Variants in LINGO2 observed in about 807,000 individuals in gnomAD.
LINGO2 encodes leucine-rich repeat and immunoglobulin-like domain-containing nogo receptor-interacting protein 2.
Under a neutral mutation model 30.6 loss-of-function variants are expected in LINGO2, and 14 were observed. The observed-to-expected ratio is 0.46, with a 90% CI of 0.30 to 0.72. The LOEUF is 0.72. LINGO2 is among the 30% of genes least tolerant of loss of function. The pLI is 0.07. For missense variants in LINGO2, 729 were observed against 751.7 expected, an observed-to-expected ratio of 0.97 and a Z score of 0.35; for synonymous variants, 317 against 288.5, an observed-to-expected ratio of 1.10 and a Z score of -1.00.
chr9:28,923,406 T>C, the LINGO2 span, among the ~76,000 whole-genome samples: 8 of 152,168 alleles, frequency 5.3e-5, no homozygotes, highest in Non-Finnish European at 2.9e-5. Flanking sequence ...TGTTTAGTAA[T>C]GTGGATTCTC....
rs780700481 is a variant in LINGO2, at chr9:28,470,054, G to A, written c.-279+5886C>T. ...CCTTTATGTATATGTATATATAGAC[G>A]TAATTTGTGAAATCAATAACATAAA... On this transcript the variant is annotated intron_variant, in intron 2 of 5. Transcript: ENST00000379992. Among the ~76,000 whole-genome samples the A allele has an allele frequency of 3.9e-5, 6 of 151,928 alleles. No homozygotes were observed. The East Asian group carries it at 5.8e-4, about 15-fold the overall frequency.
At chr9:28,856,408 C>A in the LINGO2 span, among the ~76,000 whole-genome samples, 22 of 151,964 alleles carry the variant, frequency 1.4e-4, no homozygotes, top group African/African-American at 5.3e-4. Flanking sequence ...AATAACCTCA[C>A]AAACAAGTAT....
chr9:28,990,604 A>C, the LINGO2 span, among the ~76,000 whole-genome samples: 4 of 152,104 alleles, frequency 2.6e-5, no homozygotes, highest in Admixed American at 1.3e-4. Flanking sequence ...GGGAGGCACC[A>C]CCCAGTAGGG....
At chr9:29,096,034 T>C in the LINGO2 span, among the ~76,000 whole-genome samples, 1 of 138,924 alleles carries the variant, frequency 7.2e-6, no homozygotes, top group Non-Finnish European at 1.6e-5. Context: ...CCAGTGTAGG[T>C]AATTCCTAGT....
At chr9:28,874,775 A>T in the LINGO2 span, among the ~76,000 whole-genome samples, 1 of 152,192 alleles carries the variant, frequency 6.6e-6, no homozygotes, top group Middle Eastern at 3.4e-3. Flanking sequence ...AGACTTTATT[A>T]AGGATTCCCA....
the LINGO2 span, among the ~76,000 whole-genome samples, chr9:28,865,396 C>A: frequency 1.3e-5 from 2 of 152,252 alleles, no homozygotes; most frequent in East Asian, 1.9e-4. Context: ...CTGGCCCAGG[C>A]AAAACCTCTT....
At chr9:29,149,233 T>C in the LINGO2 span, among the ~76,000 whole-genome samples, 6 of 151,950 alleles carry the variant, frequency 3.9e-5, no homozygotes, top group Non-Finnish European at 7.4e-5. Flanking sequence ...TACATTTTGG[T>C]TTAATAGTTC....
chr9:28,537,541 G>C (rs1054091112), intron 1 of LINGO2, among the ~76,000 whole-genome samples: 2 of 150,086 alleles, frequency 1.3e-5, no homozygotes, highest in Non-Finnish European at 3.0e-5. Flanking sequence ...GCTGGATAAA[G>C]TAAATAGAAA....
chr9:28,105,596 C>T (rs1826562890), intron 4 of LINGO2, among the ~76,000 whole-genome samples: 1 of 152,068 alleles, frequency 6.6e-6, no homozygotes, highest in Non-Finnish European at 1.5e-5. Flanking sequence ...CATTGAAGCC[C>T]TAACCCCTGT....
At chr9:28,246,997 A>T (rs895285431) in intron 4 of LINGO2, among the ~76,000 whole-genome samples, 2 of 152,182 alleles carry the variant, frequency 1.3e-5, no homozygotes, top group Non-Finnish European at 2.9e-5. Context: ...CCAACATGAA[A>T]AAAAGCTCAA....
intron 1 of LINGO2, among the ~76,000 whole-genome samples, chr9:28,584,921 TG>T (rs1824455338): frequency 6.7e-6 from 1 of 149,898 alleles, no homozygotes; most frequent in African/African-American, 2.4e-5. Flanking sequence ...ATATAGACTG[TG>T]ACTGCAAGAG....
chr9:28,384,245 A>T (rs2134648097), intron 2 of LINGO2, among the ~76,000 whole-genome samples: 1 of 150,606 alleles, frequency 6.6e-6, no homozygotes, highest in South Asian at 2.1e-4. Context: ...AACTCCAAAC[A>T]CATAATCCCC....
At chr9:28,098,214 A>G (rs1175935230) in intron 4 of LINGO2, among the ~76,000 whole-genome samples, 3 of 152,124 alleles carry the variant, frequency 2.0e-5, no homozygotes, top group Non-Finnish European at 4.4e-5. Flanking sequence ...CTGAGGCAGA[A>G]GAATCGCTTG....
chr9:28,601,276 T>C (rs190286877), intron 1 of LINGO2, among the ~76,000 whole-genome samples: 5 of 152,264 alleles, frequency 3.3e-5, no homozygotes, highest in Non-Finnish European at 5.9e-5. Flanking sequence ...CAAAGAAACA[T>C]TGCAAATGTG....
chr9:28,825,982 G>C, the LINGO2 span, among the ~76,000 whole-genome samples: 1 of 152,132 alleles, frequency 6.6e-6, no homozygotes, highest in Non-Finnish European at 1.5e-5. Flanking sequence ...TGGCTCTCAA[G>C]TCTTAATGTT....
chr9:28,798,385 G>C, the LINGO2 span, among the ~76,000 whole-genome samples: 477 of 152,182 alleles, frequency 3.1e-3, 4 homozygotes, highest in African/African-American at 0.011. Flanking sequence ...GTTGACCTTA[G>C]CTATTAACAT....
chr9:29,171,010 T>G, the LINGO2 span, among the ~76,000 whole-genome samples: 1 of 152,142 alleles, frequency 6.6e-6, no homozygotes, highest in East Asian at 1.9e-4. Flanking sequence ...CCTTTTCTTT[T>G]CTTTACTGTT....
At chr9:28,012,173 A>G (rs188528934) in intron 5 of LINGO2, among the ~76,000 whole-genome samples, 3 of 151,976 alleles carry the variant, frequency 2.0e-5, no homozygotes, top group Non-Finnish European at 4.4e-5. Context: ...CTTTTTGCCC[A>G]CCACAGGGTA....
intron 4 of LINGO2, among the ~76,000 whole-genome samples, chr9:28,211,727 T>A (rs61226517): frequency 0.052 from 7,884 of 151,486 alleles, 282 homozygotes; most frequent in African/African-American, 0.097. Flanking sequence ...CTCTTTCTCT[T>A]ACCCACTCAC....
Sources: allele counts gnomAD v4.1 joint callset (sites outside exome capture counted in the v4.1 genomes callset), GRCh38; gene constraint gnomAD v4.1.1; transcripts MANE v1.5; gene names NCBI Gene and HGNC (gene_info 2026-07-23, HGNC 2026-07-21).